Variants in CSGALNACT1 observed in about 807,000 individuals in gnomAD.
The protein encoded by CSGALNACT1 is chondroitin sulfate N-acetylgalactosaminyltransferase 1.
CSGALNACT1 carries 52 observed loss-of-function variants against 51.0 expected under a neutral mutation model. The ratio of observed to expected loss-of-function variants is 1.02; its 90% CI spans 0.82 to 1.29. The LOEUF (loss-of-function observed/expected upper bound fraction) is 1.29. Among genes scored for constraint, CSGALNACT1 ranks in the 50% most tolerant of loss-of-function variants. The pLI, the probability that CSGALNACT1 is intolerant of heterozygous loss-of-function variation, is 0.00. For synonymous variants in CSGALNACT1, 341 were observed against 254.4 expected (o/e 1.34, Z -3.24); for missense variants, 935 against 679.2 (o/e 1.38, Z -4.19).
chr8:19,613,904 G>A (rs1589036225), intron 1 of CSGALNACT1, among the ~76,000 whole-genome samples: 1 of 152,280 alleles, frequency 6.6e-6, no homozygotes, highest in African/African-American at 2.4e-5. Flanking sequence ...TCCAGTGGTT[G>A]AGGACTCCTG....
intron 4 of CSGALNACT1, among the ~76,000 whole-genome samples, chr8:19,460,033 C>T (rs1197613545): frequency 6.6e-6 from 1 of 152,196 alleles, no homozygotes; most frequent in African/African-American, 2.4e-5. Flanking sequence ...TGATTTCCCT[C>T]ATGCCTAAAG....
intron 1 of CSGALNACT1, among the ~76,000 whole-genome samples, chr8:19,714,343 T>G (rs76586977): frequency 2.8e-4 from 42 of 151,698 alleles, no homozygotes; most frequent in South Asian, 1.2e-3. Flanking sequence ...ATGTTTTTTT[T>G]TTGTTGTAAT....
At chr8:19,588,488 T>C (rs1209658711) in intron 3 of CSGALNACT1, among the ~76,000 whole-genome samples, 1 of 152,208 alleles carries the variant, frequency 6.6e-6, no homozygotes, top group East Asian at 1.9e-4. Flanking sequence ...AAATACTGAT[T>C]ACCTAAATGT....
intron 3 of CSGALNACT1, among the ~76,000 whole-genome samples, chr8:19,541,124 G>A (rs1235170334): frequency 1.3e-5 from 2 of 151,792 alleles, no homozygotes; most frequent in Non-Finnish European, 2.9e-5. Context: ...GTGTCCCCCA[G>A]GCTAGAATGC....
chr8:19,599,761 G>A (rs1262559927), intron 2 of CSGALNACT1, among the ~76,000 whole-genome samples: 1 of 152,174 alleles, frequency 6.6e-6, no homozygotes, highest in African/African-American at 2.4e-5. Flanking sequence ...TCCCAGAACT[G>A]CTCCTTACTT....
intron 4 of CSGALNACT1, among the ~76,000 whole-genome samples, chr8:19,481,228 G>A (rs1017380239): frequency 9.2e-5 from 14 of 151,988 alleles, no homozygotes; most frequent in African/African-American, 3.4e-4. Context: ...TTTCCTGAAT[G>A]CCTTGTGCCC....
rs560876583 is a variant in CSGALNACT1 at position 19,462,793 on chromosome 8, C to T, written c.635-4151G>A. Among the ~76,000 whole-genome samples, 4 of 152,166 alleles carry T rather than the reference C, an allele frequency of 2.6e-5. No homozygotes were observed. The East Asian group carries it at 7.8e-4, about 30-fold the overall frequency. ...ATATCCTATCAATCTGATTTGGGAT[C>T]CCTTAATTTCATCAGTTTTCTTTTT... is the stretch of plus-strand genomic sequence containing the variant. On this transcript the variant is annotated intron_variant, in intron 4 of 9. Coordinates refer to ENST00000454498, the Ensembl canonical transcript of CSGALNACT1.
exon 4 of CSGALNACT1, chr8:19,505,273 A>G (rs1297540855): frequency 6.2e-7 from 1 of 1,614,192 alleles, no homozygotes; most frequent in Non-Finnish European, 8.5e-7. Flanking sequence ...AGGGTCTCCA[A>G]GGCTGATTCA....
rs190771292 is a variant in CSGALNACT1 at position 19,556,253 on chromosome 8, G to A, written c.-297+34907C>T. ...TAGCTGGGCATGGTGGTGTATGCCT[G>A]TAATCCCAGCTACTCGGGAGGCTGA... On this transcript the variant is annotated intron_variant, in intron 3 of 9. Transcript: ENST00000454498. 5.4e-3 allele frequency among the ~76,000 whole-genome samples: 674 copies of A among 125,206 alleles called. 4 individuals are homozygous for A. Among genetic ancestry groups the A allele is most frequent in the Non-Finnish European group, 7.8e-3 (458 of 58,652 alleles). The allele number at this position is 125,206 out of a possible 152,430, so 82.1% of individuals were successfully genotyped here.
intron 1 of CSGALNACT1, among the ~76,000 whole-genome samples, chr8:19,701,523 G>T (rs2061878947): frequency 6.6e-6 from 1 of 152,098 alleles, no homozygotes; most frequent in South Asian, 2.1e-4. Context: ...GTTATGTTCT[G>T]AAAATTAACC....
intron 2 of CSGALNACT1, among the ~76,000 whole-genome samples, chr8:19,600,965 A>G (rs1193692944): frequency 6.6e-6 from 1 of 151,988 alleles, no homozygotes; most frequent in Non-Finnish European, 1.5e-5. Context: ...TGCCTATTGA[A>G]TTACTTCTAG....
At chr8:19,528,252 G>A (rs554756246) in intron 3 of CSGALNACT1, among the ~76,000 whole-genome samples, 3 of 151,084 alleles carry the variant, frequency 2.0e-5, no homozygotes, top group Non-Finnish European at 1.5e-5. Flanking sequence ...ACCATTTTCC[G>A]ACTCGTTCAG....
chr8:19,501,078 C>T (rs981315079), intron 4 of CSGALNACT1, among the ~76,000 whole-genome samples: 5 of 151,436 alleles, frequency 3.3e-5, no homozygotes, highest in Admixed American at 3.3e-4. Context: ...GGGGAAAGCC[C>T]ATCTCTACTA....
chr8:19,474,856 A>T (rs1184587489), intron 4 of CSGALNACT1, among the ~76,000 whole-genome samples: 1 of 125,630 alleles, frequency 8.0e-6, no homozygotes, highest in African/African-American at 3.0e-5. Context: ...AATAAGAGTG[A>T]AACTCTGTCT....
chr8:19,559,535 G>C (rs1470312953), intron 3 of CSGALNACT1, among the ~76,000 whole-genome samples: 1 of 152,158 alleles, frequency 6.6e-6, no homozygotes, highest in Non-Finnish European at 1.5e-5. Context: ...AGAAACAACT[G>C]TCGTTATTCA....
At chr8:19,745,695 G>A (rs954073597) in intron 1 of CSGALNACT1, among the ~76,000 whole-genome samples, 1 of 152,088 alleles carries the variant, frequency 6.6e-6, no homozygotes, top group Admixed American at 6.6e-5. Context: ...ACGCAGTGAG[G>A]GCTCACCATC....
At chr8:19,718,200 C>G (rs192134429) in intron 1 of CSGALNACT1, among the ~76,000 whole-genome samples, 1 of 152,314 alleles carries the variant, frequency 6.6e-6, no homozygotes, top group East Asian at 1.9e-4. Flanking sequence ...TCAAGTGATT[C>G]TCCTTGCCTC....
In CSGALNACT1 at chr8:19,620,105, G is replaced by C. The variant is rs985926631; in HGVS notation, c.-543-18240C>G. ...AGGCAGGCTGATCACTTGAGGCCAG[G>C]AGTTCAAGACCAACCTGGCCAATGT... On this transcript the variant is annotated intron_variant, in intron 1 of 9. Coordinates refer to the CSGALNACT1 transcript ENST00000332246. Among the ~76,000 whole-genome samples the C allele has an allele frequency of 2.6e-5, 4 of 152,026 alleles. No homozygotes were observed. The East Asian group carries it at 7.7e-4, about 29-fold the overall frequency.
At chr8:19,458,758 CCAA>C (rs2064705153) in intron 4 of CSGALNACT1, 116 bp from the exon 4 acceptor site, 1 of 972,406 alleles carries the variant, frequency 1.0e-6, no homozygotes, top group Admixed American at 2.1e-5. Context: ...TGAAATCTCT[CCAA>C]CAATTATTCG....
Sources: allele counts gnomAD v4.1 joint callset (sites outside exome capture counted in the v4.1 genomes callset), GRCh38; gene constraint gnomAD v4.1.1; transcripts MANE v1.5; gene names NCBI Gene and HGNC (gene_info 2026-07-23, HGNC 2026-07-21).